Variants in PPP1R7 observed in about 807,000 individuals in gnomAD.
PPP1R7 encodes the protein protein phosphatase 1 regulatory subunit 7.
In PPP1R7, 18 loss-of-function variants were observed where a neutral mutation model predicts 45.2. The ratio of observed to expected loss-of-function variants is 0.40; its 90% confidence interval spans 0.28 to 0.59. PPP1R7 has a LOEUF of 0.59. Ranked by LOEUF, PPP1R7 falls within the 20% of genes least tolerant of loss-of-function variation. The pLI is 0.46. For synonymous variants in PPP1R7, 181 were observed against 183.4 expected, an observed-to-expected ratio of 0.99 and a Z score of 0.11; for missense variants, 314 against 455.8, an observed-to-expected ratio of 0.69 and a Z score of 2.83.
chr2:241,167,210 G>A, intron 8 of PPP1R7: 3 of 793,384 alleles, frequency 3.8e-6, no homozygotes, highest in Non-Finnish European at 5.8e-6. Flanking sequence ...TAAATTGCCA[G>A]CAAATACAAC....
chr2:241,177,843 C>T (rs1228881665), intron 9 of PPP1R7, among the ~76,000 whole-genome samples: 1 of 152,226 alleles, frequency 6.6e-6, no homozygotes, highest in Non-Finnish European at 1.5e-5. Flanking sequence ...AAAGTTTCCA[C>T]CCTCATGGTG....
intron 9 of PPP1R7, among the ~76,000 whole-genome samples, chr2:241,176,727 T>G (rs976678413): frequency 9.2e-5 from 14 of 152,126 alleles, no homozygotes; most frequent in African/African-American, 3.4e-4. Flanking sequence ...TCCCAAAGTG[T>G]TGGGATTACA....
At chr2:241,182,143 T>G (rs2268902) in intron 9 of PPP1R7, among the ~76,000 whole-genome samples, 11,294 of 152,206 alleles carry the variant, frequency 0.074, 1,108 homozygotes, top group East Asian at 0.45. Flanking sequence ...TCCCTGCACT[T>G]GGTATTGGGT....
upstream of PPP1R7, chr2:241,149,832 G>A: frequency 6.6e-7 from 1 of 1,507,508 alleles, no homozygotes; most frequent in Middle Eastern, 2.4e-4. Flanking sequence ...CACTGGGCTG[G>A]GAACGACTTG....
chr2:241,150,410 A>C, upstream of PPP1R7: 8 of 1,149,426 alleles, frequency 7.0e-6, no homozygotes, highest in East Asian at 2.4e-4. Context: ...CCGGAATCCC[A>C]TTGGCAGGGC....
intron 9 of PPP1R7, among the ~76,000 whole-genome samples, chr2:241,177,257 A>C (rs756290835): frequency 2.0e-5 from 3 of 152,054 alleles, no homozygotes; most frequent in Admixed American, 6.5e-5. Context: ...TCTCTACTAA[A>C]ATACAAAAAT....
At chr2:241,167,180 C>T in intron 8 of PPP1R7, 1 of 1,123,664 alleles carries the variant, frequency 8.9e-7, no homozygotes, top group Admixed American at 2.5e-5. Flanking sequence ...TTCAATTTTA[C>T]TTGTTTTTTT....
At position 241,163,368 on chromosome 2, in the gene PPP1R7, T is replaced by C; in HGVS notation, c.681T>C (p.Asp227=). Residue 227 remains aspartate (D), a synonymous_variant, in exon 7 of 10, where the codon GAT becomes GAC. Coordinates refer to ENST00000234038, the MANE Select transcript of PPP1R7 (RefSeq NM_002712.3). ...AAATTACTAAACTTCAGAACCTGGATGCGCTCACCAACCTGACAGTCCTCA... is the reference window on the plus strand; with the variant it reads ...AAATTACTAAACTTCAGAACCTGGACGCGCTCACCAACCTGACAGTCCTCA... ...KNKITKLQNL[D]ALTNLTVLSM... is the part of the protein sequence containing the mutation. The C allele has an allele frequency of 1.2e-6, 2 of 1,613,734 alleles. No individual in the cohort carries two copies. Among genetic ancestry groups the C allele is most frequent in the Non-Finnish European group, 1.7e-6 (2 of 1,179,642 alleles).
intron 2 of PPP1R7, chr2:241,154,921 G>A (rs1164471353): frequency 6.6e-6 from 1 of 152,134 alleles, no homozygotes; most frequent in Non-Finnish European, 1.5e-5. Flanking sequence ...AAATAACATT[G>A]TGCTCTCTGT....
Position 241,153,458 on chromosome 2 carries a change from T to G in PPP1R7, c.53-18T>G, listed in dbSNP as rs369462561. ...CCATAAAGTGGATGTGAATTCTCAT[T>G]GACATGTGTGGGTTCAGTTGACAGG... On this transcript the variant is annotated intron_variant, in intron 1 of 9. Transcript: ENST00000234038. 3.7e-6 allele frequency: 6 copies of G among 1,613,812 alleles called. No homozygotes were observed. The highest frequency in any genetic ancestry group is 4.2e-6 in the Non-Finnish European group (5 of 1,179,760).
rs553380089 is a variant in PPP1R7 at position 241,182,517 on chromosome 2, G to C, written c.907-130G>C. On this transcript the variant is annotated intron_variant, in intron 9 of 9. Transcript: ENST00000234038. The stretch of plus-strand genomic sequence containing the variant: ...CAAGAGGCCATGGAAGGTCCCATGA[G>C]GTGCCAGGGAAGACCCACACCTGCT... The C allele has an allele frequency of 1.8e-4, 196 of 1,119,630 alleles. 1 individual carries two copies. The African/African-American group carries it at 2.7e-3, about 15-fold the overall frequency. 69.4% of individuals were successfully genotyped at this position (1,119,630 alleles called of 1,614,324 possible).
intron 1 of PPP1R7, 116 bp from the exon 2 acceptor site, chr2:241,153,360 G>A (rs2067365921): frequency 7.3e-7 from 1 of 1,372,774 alleles, no homozygotes; most frequent in Non-Finnish European, 1.0e-6. Flanking sequence ...TCGTTGAACT[G>A]GATTCAACAA....
Position 241,151,425 on chromosome 2 carries a change from T to G in PPP1R7, c.52+878T>G, listed in dbSNP as rs762651877. On this transcript the variant is annotated intron_variant, in intron 1 of 9. Transcript: ENST00000234038. ...GAAGGCCTGACATGTTAGGGAGTGGTGACAGCTGCAGAAGCAGGGCGAGCT... is the reference window on the plus strand; with the variant it reads ...GAAGGCCTGACATGTTAGGGAGTGGGGACAGCTGCAGAAGCAGGGCGAGCT... 35 of 470,642 alleles carry G rather than the reference T, an allele frequency of 7.4e-5. No individual in the cohort carries two copies. In the Middle Eastern group the frequency reaches 1.4e-3, roughly 19 times the overall value. The allele number at this position is 470,642 out of a possible 1,614,324, so 29.2% of individuals were successfully genotyped here.
At chr2:241,155,985 C>T (rs974226756) in intron 2 of PPP1R7, among the ~76,000 whole-genome samples, 1 of 151,966 alleles carries the variant, frequency 6.6e-6, no homozygotes, top group African/African-American at 2.4e-5. Flanking sequence ...TTTAACTAAC[C>T]ACAGTTGATG....
intron 1 of PPP1R7, among the ~76,000 whole-genome samples, chr2:241,150,814 G>T (rs2067259884): frequency 6.6e-6 from 1 of 152,226 alleles, no homozygotes; most frequent in South Asian, 2.1e-4. Context: ...GGGCTGAATG[G>T]GACGCGGTGG....
At chr2:241,181,827 A>G (rs1266865659) in intron 9 of PPP1R7, among the ~76,000 whole-genome samples, 1 of 151,904 alleles carries the variant, frequency 6.6e-6, no homozygotes, top group Non-Finnish European at 1.5e-5. Context: ...TGCTCTTGCC[A>G]CCGCGGTTTG....
chr2:241,160,213 C>A, intron 5 of PPP1R7, 119 bp from the exon 6 acceptor site: 48 of 595,300 alleles, frequency 8.1e-5, no homozygotes, highest in East Asian at 1.1e-4. Flanking sequence ...CCCACCCTCT[C>A]CCACCCGGTA....
chr2:241,152,089 A>G (rs2067332461), intron 1 of PPP1R7, among the ~76,000 whole-genome samples: 1 of 152,182 alleles, frequency 6.6e-6, no homozygotes, highest in Non-Finnish European at 1.5e-5. Context: ...CTGAGCCTGG[A>G]CCACCAAGTG....
At chr2:241,149,642 G>C, upstream of PPP1R7, 3 of 1,540,300 alleles carry the variant, frequency 1.9e-6, no homozygotes, top group East Asian at 2.4e-5. Flanking sequence ...GGAGCCAAAG[G>C]AATAATGGGC....
Sources: allele counts gnomAD v4.1 joint callset (sites outside exome capture counted in the v4.1 genomes callset), GRCh38; gene constraint gnomAD v4.1.1; transcripts MANE v1.5; gene names NCBI Gene and HGNC (gene_info 2026-07-23, HGNC 2026-07-21).